FOXL2: variants seen among roughly 807,000 people sequenced by gnomAD.
FOXL2 encodes forkhead box L2.
Under a neutral mutation model 2.5 loss-of-function variants are expected in FOXL2, and 3 were observed. The ratio of observed to expected loss-of-function variants is 1.20; its 90% CI spans 0.55 to 3.11. The LOEUF (loss-of-function observed/expected upper bound fraction) is 3.11, where lower values mean the gene tolerates loss of function less well. Ranked by LOEUF, FOXL2 falls within the 30% of genes most tolerant of loss-of-function variation. The pLI, the probability that FOXL2 is intolerant of heterozygous loss-of-function variation, is 0.03. For synonymous variants in FOXL2, 315 were observed against 269.4 expected (o/e 1.17, Z -1.66); for missense variants, 512 against 570.0 (o/e 0.90, Z 1.04).
Position 138,946,614 on chromosome 3 carries a change from C to A in FOXL2, c.109G>T (p.Gly37Cys). 1 of 1,603,024 alleles carries A rather than the reference C, an allele frequency of 6.2e-7. No individual in the cohort carries two copies. The highest frequency in any genetic ancestry group is 8.5e-7 in the Non-Finnish European group (1 of 1,177,228). ...PEGPPPSPGK[G>C]GGGGGGTAPE... ...GCTGTCCCGCCGCCACCCCCACCGC[C>A]CTTGCCTGGGCTCGGCGGCGGCCCT... is the stretch of plus-strand genomic sequence containing the variant. The change falls in exon 1 of 1, where the codon GGC (glycine) becomes TGC (cysteine). Residue 37 changes from glycine to cysteine, a missense_variant. Gly to Cys is a radical substitution (Grantham distance 159). Transcript: ENST00000648323.
chr3:138,946,645 C>A lies in FOXL2; in HGVS notation c.78G>T (p.Glu26Asp), dbSNP rs1376247143. The A allele has an allele frequency of 1.9e-6, 3 of 1,590,558 alleles. No homozygotes were observed. Among genetic ancestry groups the A allele is most frequent in the Non-Finnish European group, 2.6e-6 (3 of 1,171,920 alleles). The change falls in exon 1 of 1, where the codon GAG (glutamate) becomes GAT (aspartate). Residue 26 changes from glutamate to aspartate, a missense_variant. Around this residue, in one of 5 missense-constraint regions of FOXL2, gnomAD observed 92 missense variants for 77.8 expected, o/e 1.18. Coordinates refer to ENST00000648323, the MANE Select transcript of FOXL2 (RefSeq NM_023067.4). ...LAPETGRTVK[E>D]PEGPPPSPGK... Reference sequence around the variant, plus strand: ...CTGGGCTCGGCGGCGGCCCTTCTGGCTCCTTGACTGTGCGACCGGTCTCTG... The same window carrying A: ...CTGGGCTCGGCGGCGGCCCTTCTGGATCCTTGACTGTGCGACCGGTCTCTG...
rs2107742855 is a variant in FOXL2 at position 138,945,517 on chromosome 3, C to G, written c.*75G>C. Reference sequence around the variant, plus strand: ...TGTGAGGTCAGGCTGGCGGCGGCGTCGTCGGCTGCGACCGGGGCCGGCGTC... The same window carrying G: ...TGTGAGGTCAGGCTGGCGGCGGCGTGGTCGGCTGCGACCGGGGCCGGCGTC... On this transcript the variant is annotated 3_prime_UTR_variant, in exon 1 of 1. Transcript: ENST00000648323. 1 of 1,553,282 alleles carries G rather than the reference C, an allele frequency of 6.4e-7. No homozygotes were observed. The highest frequency in any genetic ancestry group is 8.7e-7 in the Non-Finnish European group (1 of 1,146,274).
chr3:138,946,927 G>T lies in FOXL2; in HGVS notation c.-205C>A. 1.3e-6 allele frequency: 1 copy of T among 755,408 alleles called. No homozygotes were observed. Among genetic ancestry groups the T allele is most frequent in the Non-Finnish European group, 2.1e-6 (1 of 474,686 alleles). 46.8% of individuals were successfully genotyped at this position (755,408 alleles called of 1,614,324 possible). A position where few individuals can be genotyped will look rare whatever the true frequency, so the allele number is the denominator to read the frequency against. ...CCCTAGGGAGCGGCCGGCGGGAGTG[G>T]AGCTCAGCCTCTGGCCATGGGGAGT... is the stretch of plus-strand genomic sequence containing the variant. On this transcript the variant is annotated 5_prime_UTR_variant, in exon 1 of 1. Coordinates refer to ENST00000648323, the MANE Select transcript of FOXL2 (RefSeq NM_023067.4).
In FOXL2 at chr3:138,945,424, A is replaced by T; in HGVS notation, c.*168T>A. ...AACTGAGGGGACAAAGAGGAGCGAC[A>T]GGAGCTTAGGAAAGCGAAAAAGCAC... On this transcript the variant is annotated 3_prime_UTR_variant, in exon 1 of 1. Coordinates refer to ENST00000648323, the MANE Select transcript of FOXL2 (RefSeq NM_023067.4). 8.4e-7 allele frequency: 1 copy of T among 1,185,298 alleles called. No homozygotes were observed. The highest frequency in any genetic ancestry group is 1.5e-5 in the South Asian group (1 of 65,744). 73.4% of individuals were successfully genotyped at this position (1,185,298 alleles called of 1,614,324 possible).
rs1176619428 is a variant in FOXL2 at position 138,945,191 on chromosome 3, C to G, written c.*401G>C. The G allele has an allele frequency of 4.1e-6, 1 of 246,774 alleles. No individual in the cohort carries two copies. Among genetic ancestry groups the G allele is most frequent in the East Asian group, 5.6e-5 (1 of 18,002 alleles). The allele number at this position is 246,774 out of a possible 1,614,324, so 15.3% of individuals were successfully genotyped here. The stretch of plus-strand genomic sequence containing the variant: ...TCGGGCGGGGAACGCGGAGAGCGAG[C>G]GCACCGACCTGTGAGAGAAGGCCAA... On this transcript the variant is annotated 3_prime_UTR_variant, in exon 1 of 1. Transcript: ENST00000648323.
rs1166925861 is a variant in FOXL2 at position 138,946,582 on chromosome 3, C to T, written c.141G>A (p.Glu47=). The T allele has an allele frequency of 6.2e-7, 1 of 1,608,248 alleles. No homozygotes were observed. Among genetic ancestry groups the T allele is most frequent in the African/African-American group, 1.3e-5 (1 of 75,008 alleles). The stretch of plus-strand genomic sequence containing the variant: ...GGGGCTTCTGCGCCGGGTCCGGCTT[C>T]TCCGGGGCTGTCCCGCCGCCACCCC... The part of the protein sequence containing the change: ...GGGGGGGTAP[E]KPDPAQKPPY... Residue 47 remains glutamate, a synonymous_variant, in exon 1 of 1, where the codon GAG becomes GAA. Transcript: ENST00000648323.
chr3:138,946,643 G>T lies in FOXL2; in HGVS notation c.80C>A (p.Pro27Gln). ...GCCTGGGCTCGGCGGCGGCCCTTCT[G>T]GCTCCTTGACTGTGCGACCGGTCTC... ...APETGRTVKE[P>Q]EGPPPSPGKG... is the part of the protein sequence containing the mutation. The change falls in exon 1 of 1, where the codon CCA becomes CAA. Residue 27 changes from proline to glutamine, a missense_variant. By Grantham distance (76) the Pro-to-Gln change is moderately conservative. Around this residue, in one of 5 missense-constraint regions of FOXL2, gnomAD observed 92 missense variants for 77.8 expected, o/e 1.18. Coordinates refer to ENST00000648323, the MANE Select transcript of FOXL2 (RefSeq NM_023067.4). The T allele has an allele frequency of 6.3e-7, 1 of 1,591,250 alleles. No homozygotes were observed. Among genetic ancestry groups the T allele is most frequent in the Non-Finnish European group, 8.5e-7 (1 of 1,172,154 alleles).
In FOXL2 at chr3:138,945,393, G is replaced by A. The variant is rs1039872534; in HGVS notation, c.*199C>T. ...GAGGTCAGGGAGGTGAGCACAGGAGGACATAAACTGAGGGGACAAAGAGGA... is the reference window on the plus strand; with the variant it reads ...GAGGTCAGGGAGGTGAGCACAGGAGAACATAAACTGAGGGGACAAAGAGGA... On this transcript the variant is annotated 3_prime_UTR_variant, in exon 1 of 1. Transcript: ENST00000648323. The A allele has an allele frequency of 1.1e-5, 10 of 871,438 alleles. No homozygotes were observed. The African/African-American group carries it at 1.5e-4, about 13-fold the overall frequency. The allele number at this position is 871,438 out of a possible 1,614,324, so 54.0% of individuals were successfully genotyped here.
chr3:138,945,522 G>T lies in FOXL2; in HGVS notation c.*70C>A, dbSNP rs1935934410. Reference sequence around the variant, plus strand: ...GGTCAGGCTGGCGGCGGCGTCGTCGGCTGCGACCGGGGCCGGCGTCGCGCG... The same window carrying T: ...GGTCAGGCTGGCGGCGGCGTCGTCGTCTGCGACCGGGGCCGGCGTCGCGCG... On this transcript the variant is annotated 3_prime_UTR_variant, in exon 1 of 1. Transcript: ENST00000648323. 3 of 1,559,228 alleles carry T rather than the reference G, an allele frequency of 1.9e-6. No homozygotes were observed. Among genetic ancestry groups the T allele is most frequent in the East Asian group, 2.3e-5 (1 of 43,408 alleles).
rs1935904650 is a variant in FOXL2, at chr3:138,944,360, G to A, written c.*1232C>T. On this transcript the variant is annotated 3_prime_UTR_variant, in exon 1 of 1. Coordinates refer to ENST00000648323, the MANE Select transcript of FOXL2 (RefSeq NM_023067.4). ...AAACAACAAGCTACAGTACAACCAGGTCTATGGTTTTCGGGCCGGGCCGGC... is the reference window on the plus strand; with the variant it reads ...AAACAACAAGCTACAGTACAACCAGATCTATGGTTTTCGGGCCGGGCCGGC... The A allele has an allele frequency of 8.6e-6, 2 of 233,230 alleles. No homozygotes were observed. The highest frequency in any genetic ancestry group is 2.2e-5 in the African/African-American group (1 of 45,310). 14.4% of individuals were successfully genotyped at this position (233,230 alleles called of 1,614,324 possible).
Position 138,944,279 on chromosome 3 carries a change from A to G in FOXL2, c.*1313T>C. The G allele has an allele frequency of 8.6e-6, 2 of 233,364 alleles. No individual in the cohort carries two copies. The highest frequency in any genetic ancestry group is 1.7e-5 in the Non-Finnish European group (2 of 117,814). The allele number at this position is 233,364 out of a possible 1,614,324, so 14.5% of individuals were successfully genotyped here. The stretch of plus-strand genomic sequence containing the variant: ...AATCGACAAGGCAAAAAACAAAAAC[A>G]AAACAAAAAAACACAACAAAAGTGC... On this transcript the variant is annotated 3_prime_UTR_variant, in exon 1 of 1. Coordinates refer to ENST00000648323, the MANE Select transcript of FOXL2 (RefSeq NM_023067.4).
At position 138,946,708 on chromosome 3, in the gene FOXL2, G is replaced by T. The variant is rs1057516139; in HGVS notation, c.15C>A (p.Tyr5Ter). 1 of 1,582,168 alleles carries T rather than the reference G, an allele frequency of 6.3e-7. No homozygotes were observed. The highest frequency in any genetic ancestry group is 2.3e-5 in the East Asian group (1 of 43,292). ...CCCCCGCCGCGTCCTCGGGCTCGGG[G>T]TAGCTGGCCATCATGACAAAGCCGG... MMAS[Y>*]PEPEDAAGAL... The change falls in exon 1 of 1, where the codon TAC becomes TAA. Residue 5 changes from tyrosine (Y) to a stop codon, truncating the protein, a stop_gained. Transcript: ENST00000648323. LOFTEE classifies it low-confidence loss of function (END_TRUNC).
rs1935947431 is a variant in FOXL2 at position 138,945,789 on chromosome 3, G to A, written c.934C>T (p.His312Tyr). ...CCCGGCGGCGGCGCGGCGGCCCCGT[G>A]GTGCGGTGGGGCAGGCGGCGGTGCG... ...AAAPPPAPPH[H>Y]GAAAPPPGQL... The change falls in exon 1 of 1, where the codon CAC becomes TAC. Residue 312 changes from histidine (H) to tyrosine (Y), a missense_variant. Coordinates refer to ENST00000648323, the MANE Select transcript of FOXL2 (RefSeq NM_023067.4). 6.0e-6 allele frequency: 7 copies of A among 1,173,082 alleles called. No individual in the cohort carries two copies. The highest frequency in any genetic ancestry group is 7.4e-6 in the Non-Finnish European group (7 of 949,304). 72.7% of individuals were successfully genotyped at this position (1,173,082 alleles called of 1,614,324 possible).
chr3:138,945,890 C>T lies in FOXL2; in HGVS notation c.833G>A (p.Gly278Glu). The T allele has an allele frequency of 3.1e-6, 4 of 1,279,120 alleles. No homozygotes were observed. The highest frequency in any genetic ancestry group is 3.9e-6 in the Non-Finnish European group (4 of 1,019,412). The allele number at this position is 1,279,120 out of a possible 1,614,324, so 79.2% of individuals were successfully genotyped here. The change falls in exon 1 of 1, where the codon GGA becomes GAA. Residue 278 changes from glycine (G) to glutamate (E), a missense_variant. Physicochemically the swap from Gly to Glu is moderately conservative, Grantham distance 98 (BLOSUM62 -2). This residue lies in a region of FOXL2 where 287 missense variants were observed against 277.4 expected (regional missense o/e 1.03). Coordinates refer to ENST00000648323, the MANE Select transcript of FOXL2 (RefSeq NM_023067.4). The part of the protein sequence containing the change: ...PGVVNSYNGL[G>E]GPPAAPPPPP... Reference sequence around the variant, plus strand: ...AGGCGGGGGTGCGGCCGGCGGGCCTCCCAGGCCATTGTACGAGTTCACTAC... The same window carrying T: ...AGGCGGGGGTGCGGCCGGCGGGCCTTCCAGGCCATTGTACGAGTTCACTAC...
In FOXL2 at chr3:138,945,241, TC is replaced by T; in HGVS notation, c.*350del. 1.6e-5 allele frequency: 4 copies of T among 243,388 alleles called. No homozygotes were observed. Among genetic ancestry groups the T allele is most frequent in the Admixed American group, 5.4e-5 (1 of 18,364 alleles). The allele number at this position is 243,388 out of a possible 1,614,324, so 15.1% of individuals were successfully genotyped here. On this transcript the variant is annotated 3_prime_UTR_variant, in exon 1 of 1. Transcript: ENST00000648323. ...AGAGGTCTGCGCTGCCGACGCCCGG[TC>T]GCACCTCCGCCCCGGGCCCTTTCCG...
chr3:138,946,380 C>T lies in FOXL2; in HGVS notation c.343G>A (p.Val115Met), dbSNP rs143464338. Residue 115 changes from valine (V) to methionine (M), a missense_variant, in exon 1 of 1, where the codon GTG becomes ATG. Coordinates refer to ENST00000648323, the MANE Select transcript of FOXL2 (RefSeq NM_023067.4). Reference protein sequence around the residue: ...NLSLNECFIKVPREGGGERKG... With the variant: ...NLSLNECFIKMPREGGGERKG... ...CGCTCGCCGCCGCCCTCGCGCGGCA[C>T]CTTGATGAAGCACTCGTTGAGGCTG... is the stretch of plus-strand genomic sequence containing the variant. 3 of 1,613,986 alleles carry T rather than the reference C, an allele frequency of 1.9e-6. No homozygotes were observed. The highest frequency in any genetic ancestry group is 2.5e-6 in the Non-Finnish European group (3 of 1,179,998).
rs768686586 is a variant in FOXL2, at chr3:138,946,767, C to T, written c.-45G>A. 3 of 1,545,388 alleles carry T rather than the reference C, an allele frequency of 1.9e-6. No homozygotes were observed. Among genetic ancestry groups the T allele is most frequent in the South Asian group, 1.2e-5 (1 of 83,864 alleles). ...GGCCGGGCCGCCTCTGCTCTCCGCT[C>T]CAGGCGCTGGCGCGGCAAAGAGTTG... On this transcript the variant is annotated 5_prime_UTR_variant, in exon 1 of 1. Coordinates refer to ENST00000648323, the MANE Select transcript of FOXL2 (RefSeq NM_023067.4).
Position 138,947,107 on chromosome 3 carries a change from C to A in FOXL2, c.-385G>T, listed in dbSNP as rs1184765380. The A allele has an allele frequency of 8.7e-6, 4 of 459,712 alleles. No individual in the cohort carries two copies. Among genetic ancestry groups the A allele is most frequent in the Non-Finnish European group, 1.5e-5 (4 of 259,612 alleles). The allele number at this position is 459,712 out of a possible 1,614,324, so 28.5% of individuals were successfully genotyped here. ...CTCTGGCGGAGCTGCCTCCTGGAGT[C>A]CCTAGTGCGCCAGGAGCCTCGCTCT... On this transcript the variant is annotated 5_prime_UTR_variant, in exon 1 of 1. Coordinates refer to ENST00000648323, the MANE Select transcript of FOXL2 (RefSeq NM_023067.4). This position sits in a 1 kb window ranked among gnomAD's most constrained non-coding sequence, Gnocchi z 5.2.
In FOXL2 at chr3:138,945,916, G is replaced by A. The variant is rs1935952597; in HGVS notation, c.807C>T (p.Gly269=). ...TRVQSMALPP[G]VVNSYNGLGG... is the part of the protein sequence containing the mutation. Reference sequence around the variant, plus strand: ...CCAGGCCATTGTACGAGTTCACTACGCCGGGGGGCAGCGCCATGCTCTGCA... The same window carrying A: ...CCAGGCCATTGTACGAGTTCACTACACCGGGGGGCAGCGCCATGCTCTGCA... Residue 269 remains glycine, a synonymous_variant, in exon 1 of 1, where the codon GGC becomes GGT. Coordinates refer to ENST00000648323, the MANE Select transcript of FOXL2 (RefSeq NM_023067.4). 6.0e-6 allele frequency: 8 copies of A among 1,332,626 alleles called. No individual in the cohort carries two copies. In the African/African-American group the frequency reaches 1.2e-4, roughly 20 times the overall value. The allele number at this position is 1,332,626 out of a possible 1,614,324, so 82.6% of individuals were successfully genotyped here. A position where few individuals can be genotyped will look rare whatever the true frequency, so the allele number is the denominator to read the frequency against.
Sources: gnomAD v4.1 joint callset for allele counts on GRCh38, gnomAD v4.1.1 for gene constraint, gnomAD v4.1.1 regional missense constraint, Gnocchi (gnomAD v3.1) non-coding constraint, MANE v1.5 for transcripts, NCBI Gene and HGNC (gene_info 2026-07-23, HGNC 2026-07-21) for gene names.